TXNRD3: variants seen among roughly 807,000 people sequenced by gnomAD.
The protein encoded by TXNRD3 is thioredoxin reductase 3.
Under a neutral mutation model 78.2 loss-of-function variants are expected in TXNRD3, and 68 were observed. The ratio of observed to expected loss-of-function variants is 0.87; its 90% CI spans 0.72 to 1.06. The LOEUF is 1.06. Among genes scored for constraint, TXNRD3 ranks in the 50% least tolerant of loss-of-function variants. The pLI is 0.00. For missense variants in TXNRD3, 751 were observed against 809.5 expected, an observed-to-expected ratio of 0.93 and a Z score of 0.88; for synonymous variants, 296 against 300.1, an observed-to-expected ratio of 0.99 and a Z score of 0.14.
In TXNRD3 at chr3:126,654,823, G is replaced by C. The variant is rs1473677121; in HGVS notation, c.168C>G (p.Arg56=). The change falls in exon 1 of 16, where the codon CGC becomes CGG. Residue 56 remains arginine, a synonymous_variant. Transcript: ENST00000524230. ...GCTCGATGAGGCCCACGAGGTGGCG[G>C]CGCAGCTCCTCGCGGGCCTCGGACG... The C allele has an allele frequency of 7.8e-5, 109 of 1,406,378 alleles. No homozygotes were observed. Among genetic ancestry groups the C allele is most frequent in the Non-Finnish European group, 9.2e-5 (100 of 1,081,886 alleles). The allele number at this position is 1,406,378 out of a possible 1,614,324, so 87.1% of individuals were successfully genotyped here.
At chr3:126,633,644 A>G (rs568714652) in intron 7 of TXNRD3, among the ~76,000 whole-genome samples, 1 of 152,322 alleles carries the variant, frequency 6.6e-6, no homozygotes, top group East Asian at 1.9e-4. Flanking sequence ...CTTAGTTTAA[A>G]CATGTTCTCT....
chr3:126,611,066 C>A lies in TXNRD3; in HGVS notation c.1699G>T (p.Ala567Ser), dbSNP rs545536726. The A allele has an allele frequency of 7.0e-5, 107 of 1,522,240 alleles. No individual in the cohort carries two copies. The highest frequency in any genetic ancestry group is 9.0e-5 in the Non-Finnish European group (103 of 1,139,088). The allele number at this position is 1,522,240 out of a possible 1,614,324, so 94.3% of individuals were successfully genotyped here. ...TCGAATTTATTGCAGATTATCTTTG[C>A]ATAACAAGTGTTGTTCTCTCTGCCA... The change falls in exon 14 of 16, where the codon GCA becomes TCA. Residue 567 changes from alanine to serine, a missense_variant. Transcript: ENST00000524230.
chr3:126,633,343 A>T (rs1242302735), intron 7 of TXNRD3, among the ~76,000 whole-genome samples: 2 of 152,242 alleles, frequency 1.3e-5, no homozygotes, highest in East Asian at 3.8e-4. Flanking sequence ...AGATTATCTC[A>T]CACTGTGCTA....
intron 2 of TXNRD3, 109 bp downstream of exon 2, chr3:126,647,127 C>G (rs1467427653): frequency 1.1e-5 from 9 of 810,352 alleles, no homozygotes; most frequent in Non-Finnish European, 1.6e-5. Flanking sequence ...AAAAATGCCT[C>G]ATTTAACCCG....
chr3:126,610,948 T>TA (rs796461903), intron 14 of TXNRD3, 89 bp downstream of exon 14: 54,861 of 695,658 alleles, frequency 0.079, 1 homozygote, highest in East Asian at 0.092. Context: ...ATCCCGTCTC[T>TA]AAAAAAAAAA....
chr3:126,650,001 T>TTA, intron 1 of TXNRD3, among the ~76,000 whole-genome samples: 2 of 152,348 alleles, frequency 1.3e-5, no homozygotes, highest in Admixed American at 1.3e-4. Context: ...TGGTAAGTTT[T>TTA]ATGTTATGTG....
chr3:126,623,963 A>G (rs543384184), intron 10 of TXNRD3, among the ~76,000 whole-genome samples: 3 of 152,114 alleles, frequency 2.0e-5, no homozygotes, highest in African/African-American at 7.2e-5. Context: ...TATAAAAAAA[A>G]CTGTATTTTT....
chr3:126,610,682 CT>C (rs1201663151), intron 14 of TXNRD3, among the ~76,000 whole-genome samples: 6 of 152,182 alleles, frequency 3.9e-5, no homozygotes, highest in African/African-American at 1.4e-4. Context: ...AACTATCAAG[CT>C]ATCAAGATGG....
In TXNRD3 at chr3:126,642,138, A is replaced by G; in HGVS notation, c.606T>C (p.Thr202=). ...TAGGAATACAACCTACATTTACACAAGTGCCACCAAGACCTGAGGAAGAAA... is the reference window on the plus strand; with the variant it reads ...TAGGAATACAACCTACATTTACACAGGTGCCACCAAGACCTGAGGAAGAAA... Residue 202 remains threonine (T), a synonymous_variant, in exon 6 of 16, where the codon ACT becomes ACC. Coordinates refer to ENST00000524230, the MANE Select transcript of TXNRD3 (RefSeq NM_052883.3). 4 of 1,535,652 alleles carry G rather than the reference A, an allele frequency of 2.6e-6. No individual in the cohort carries two copies. Among genetic ancestry groups the G allele is most frequent in the Non-Finnish European group, 3.5e-6 (4 of 1,146,718 alleles).
At chr3:126,626,052 G>A (rs1445723171) in intron 10 of TXNRD3, 2 of 152,174 alleles carry the variant, frequency 1.3e-5, no homozygotes, top group Admixed American at 1.3e-4. Context: ...ACCTAATTCA[G>A]TTTTCTTTTC....
chr3:126,610,417 C>T (rs1373044449), intron 14 of TXNRD3, among the ~76,000 whole-genome samples: 1 of 152,118 alleles, frequency 6.6e-6, no homozygotes, highest in Non-Finnish European at 1.5e-5. Context: ...CTTTAAACTA[C>T]GCTACTGAGG....
intron 12 of TXNRD3, among the ~76,000 whole-genome samples, chr3:126,620,757 AT>A (rs1385061511): frequency 6.6e-6 from 1 of 152,210 alleles, no homozygotes; most frequent in Non-Finnish European, 1.5e-5. Context: ...ATTTTTGATG[AT>A]CTGGCACCAA....
chr3:126,637,162 C>G (rs1932929695), intron 6 of TXNRD3, among the ~76,000 whole-genome samples: 2 of 152,114 alleles, frequency 1.3e-5, no homozygotes, highest in South Asian at 4.1e-4. Flanking sequence ...CAAGTCAATT[C>G]TGGTCATTTA....
chr3:126,634,141 T>C (rs895950883), intron 6 of TXNRD3, 90 bp from the exon 7 acceptor site: 1 of 1,187,102 alleles, frequency 8.4e-7, no homozygotes, highest in Non-Finnish European at 1.1e-6. Flanking sequence ...ATACTAACAG[T>C]GCTTTAAAAA....
intron 10 of TXNRD3, among the ~76,000 whole-genome samples, chr3:126,627,072 A>T (rs1368702573): frequency 6.6e-6 from 1 of 152,198 alleles, no homozygotes; most frequent in African/African-American, 2.4e-5. Flanking sequence ...TGGGTGACAG[A>T]GTGAAACCAT....
At chr3:126,636,617 A>C (rs1004875173) in intron 6 of TXNRD3, among the ~76,000 whole-genome samples, 8 of 152,020 alleles carry the variant, frequency 5.3e-5, no homozygotes, top group African/African-American at 1.9e-4. Context: ...CCCTCCCTGC[A>C]CCCCACGGCG....
intron 1 of TXNRD3, among the ~76,000 whole-genome samples, chr3:126,654,387 C>T (rs776887306): frequency 2.6e-5 from 4 of 152,188 alleles, no homozygotes; most frequent in Admixed American, 6.5e-5. Context: ...ATACATTTGT[C>T]CTTAGAAATA....
intron 14 of TXNRD3, among the ~76,000 whole-genome samples, chr3:126,609,828 C>T (rs1938153592): frequency 6.6e-6 from 1 of 152,176 alleles, no homozygotes; most frequent in South Asian, 2.1e-4. Context: ...CAAGTCCCAC[C>T]TTCAGCAGCG....
chr3:126,654,861 C>A lies in TXNRD3; in HGVS notation c.130G>T (p.Gly44Trp). The A allele has an allele frequency of 7.4e-7, 1 of 1,344,560 alleles. No homozygotes were observed. The highest frequency in any genetic ancestry group is 1.9e-5 in the South Asian group (1 of 53,276). 83.3% of individuals were successfully genotyped at this position (1,344,560 alleles called of 1,614,324 possible). A position where few individuals can be genotyped will look rare whatever the true frequency, so the allele number is the denominator to read the frequency against. The change falls in exon 1 of 16, where the codon GGG (glycine) becomes TGG (tryptophan). Residue 44 changes from glycine (G) to tryptophan (W), a missense_variant. Coordinates refer to ENST00000524230, the MANE Select transcript of TXNRD3 (RefSeq NM_052883.3). ...CGGGCCTCGGACGAGCGGCTGGGCC[C>A]GGGGGACGACAGGCGGGCACGGCGC...
Sources: allele counts gnomAD v4.1 joint callset (sites outside exome capture counted in the v4.1 genomes callset), GRCh38; gene constraint gnomAD v4.1.1; transcripts MANE v1.5; gene names NCBI Gene and HGNC (gene_info 2026-07-23, HGNC 2026-07-21).